The following ZKSCAN8 variants were observed in gnomAD, a reference collection of about 807,000 sequenced individuals.
ZKSCAN8 encodes the protein zinc finger protein with KRAB and SCAN domains 8.
ZKSCAN8 carries 27 observed loss-of-function variants against 57.2 expected under a neutral mutation model. The observed-to-expected ratio is 0.47, with a 90% CI of 0.35 to 0.65. The LOEUF (loss-of-function observed/expected upper bound fraction) is 0.65, where lower values mean the gene tolerates loss of function less well. Ranked by LOEUF, ZKSCAN8 falls within the 30% of genes least tolerant of loss-of-function variation. The pLI is 0.01. For missense variants in ZKSCAN8, 597 were observed against 696.3 expected (o/e 0.86, Z 1.60); for synonymous variants, 214 against 248.7 (o/e 0.86, Z 1.31).
chr6:28,154,067 A>C lies in ZKSCAN8; in HGVS notation c.*50A>C. The C allele has an allele frequency of 2.6e-6, 4 of 1,526,062 alleles. No homozygotes were observed. The highest frequency in any genetic ancestry group is 3.5e-6 in the Non-Finnish European group (4 of 1,144,342). The allele number at this position is 1,526,062 out of a possible 1,614,324, so 94.5% of individuals were successfully genotyped here. ...CATTATTCAGCATTAGGGAAACCAC[A>C]CACTGGTGAGAGGTCTTTCAGTGTA... On this transcript the variant is annotated 3_prime_UTR_variant, in exon 6 of 6. Transcript: ENST00000330236.
chr6:28,143,858 T>C (rs1000596222), intron 1 of ZKSCAN8, among the ~76,000 whole-genome samples: 5 of 152,188 alleles, frequency 3.3e-5, no homozygotes, highest in Non-Finnish European at 7.3e-5. Flanking sequence ...AAGACCATTT[T>C]AAAATAAATT....
At position 28,153,689 on chromosome 6, in the gene ZKSCAN8, C is replaced by T; in HGVS notation, c.1409C>T (p.Thr470Ile). 6.2e-7 allele frequency: 1 copy of T among 1,613,436 alleles called. No individual in the cohort carries two copies. The highest frequency in any genetic ancestry group is 8.5e-7 in the Non-Finnish European group (1 of 1,179,852). The change falls in exon 6 of 6, where the codon ACC becomes ATC. Residue 470 changes from threonine (T) to isoleucine (I), a missense_variant. Physicochemically the swap from Thr to Ile is moderately conservative, Grantham distance 89 (BLOSUM62 -1). Transcript: ENST00000330236. ...KPYECDECGKTFRRSSHLIGH... is the reference protein window; with the variant it reads ...KPYECDECGKIFRRSSHLIGH... ...TATGAGTGTGATGAGTGTGGGAAAACCTTCAGGCGGAGCTCACATCTTATT... is the reference window on the plus strand; with the variant it reads ...TATGAGTGTGATGAGTGTGGGAAAATCTTCAGGCGGAGCTCACATCTTATT...
In ZKSCAN8 at chr6:28,144,637, A is replaced by G. The variant is rs1269251487; in HGVS notation, c.-93+2608A>G. Among the ~76,000 whole-genome samples the G allele has an allele frequency of 6.6e-6, 1 of 152,248 alleles. No homozygotes were observed. The highest frequency in any genetic ancestry group is 1.5e-5 in the Non-Finnish European group (1 of 68,038). On this transcript the variant is annotated intron_variant, in intron 1 of 5. Transcript: ENST00000330236. The surrounding 1 kb of genome is among the most constrained non-coding windows in gnomAD (Gnocchi z 4.5). ...ACATTTGCAATAAGGCCATGGCCAC[A>G]TTCTCACAATGTGATAAGTCCTATA...
rs1472430288 is a variant in ZKSCAN8 at position 28,158,541 on chromosome 6, A to G, written c.*4524A>G. The G allele has an allele frequency of 6.6e-6, 1 of 151,796 alleles. No homozygotes were observed. Among genetic ancestry groups the G allele is most frequent in the Non-Finnish European group, 1.5e-5 (1 of 67,970 alleles). The allele number at this position is 151,796 out of a possible 1,614,324, so 9.4% of individuals were successfully genotyped here. A position where few individuals can be genotyped will look rare whatever the true frequency, so the allele number is the denominator to read the frequency against. ...AAAGTGTCACCACCTTTATATTTTT[A>G]CCCCAGCCTTGGAGTTATCTTTTTC... On this transcript the variant is annotated 3_prime_UTR_variant, in exon 6 of 6. Coordinates refer to ENST00000330236, the MANE Select transcript of ZKSCAN8 (RefSeq NM_006298.4).
rs750605583 is a variant in ZKSCAN8 at position 28,153,665 on chromosome 6, A to G, written c.1385A>G (p.Tyr462Cys). The change falls in exon 6 of 6, where the codon TAT becomes TGT. Residue 462 changes from tyrosine (Y) to cysteine (C), a missense_variant. Physicochemically the swap from Tyr to Cys is radical, Grantham distance 194. Coordinates refer to ENST00000330236, the MANE Select transcript of ZKSCAN8 (RefSeq NM_006298.4). ...HQRIHTGEKP[Y>C]ECDECGKTFR... ...AGAATCCACACTGGGGAGAAGCCCT[A>G]TGAGTGTGATGAGTGTGGGAAAACC... 21 of 1,613,854 alleles carry G rather than the reference A, an allele frequency of 1.3e-5. No homozygotes were observed. Among genetic ancestry groups the G allele is most frequent in the African/African-American group, 2.7e-5 (2 of 74,870 alleles).
rs1765339863 is a variant in ZKSCAN8 at position 28,144,917 on chromosome 6, T to G, written c.-93+2888T>G. 6.6e-6 allele frequency among the ~76,000 whole-genome samples: 1 copy of G among 151,684 alleles called. No individual in the cohort carries two copies. The highest frequency in any genetic ancestry group is 2.1e-4 in the South Asian group (1 of 4,806). ...CTAAAAATACAAAAAATTAGCCGGG[T>G]GTGGTGGAGGGCGCCTGTAGTCCCA... On this transcript the variant is annotated intron_variant, in intron 1 of 5. Coordinates refer to ENST00000330236, the MANE Select transcript of ZKSCAN8 (RefSeq NM_006298.4). The surrounding 1 kb of genome is among the most constrained non-coding windows in gnomAD (Gnocchi z 4.5).
At chr6:28,149,185 A>G (rs770104524) in intron 2 of ZKSCAN8, among the ~76,000 whole-genome samples, 10 of 152,198 alleles carry the variant, frequency 6.6e-5, no homozygotes, top group Non-Finnish European at 1.3e-4. Flanking sequence ...ACTGCATAGC[A>G]CTGCTTTAAG....
At position 28,157,350 on chromosome 6, in the gene ZKSCAN8, T is replaced by A. The variant is rs1235955579; in HGVS notation, c.*3333T>A. ...GAATTGTGGGAGCTACAATTCAAGATGAGATTTGGATGGGACACAGCCAAA... is the reference window on the plus strand; with the variant it reads ...GAATTGTGGGAGCTACAATTCAAGAAGAGATTTGGATGGGACACAGCCAAA... On this transcript the variant is annotated 3_prime_UTR_variant, in exon 6 of 6. Coordinates refer to ENST00000330236, the MANE Select transcript of ZKSCAN8 (RefSeq NM_006298.4). The A allele has an allele frequency of 6.6e-6, 1 of 152,172 alleles. No homozygotes were observed. Among genetic ancestry groups the A allele is most frequent in the Non-Finnish European group, 1.5e-5 (1 of 68,018 alleles). The allele number at this position is 152,172 out of a possible 1,614,324, so 9.4% of individuals were successfully genotyped here. A position where few individuals can be genotyped will look rare whatever the true frequency, so the allele number is the denominator to read the frequency against.
Position 28,148,658 on chromosome 6 carries a change from T to G in ZKSCAN8, c.251T>G (p.Leu84Trp). Reference protein sequence around the residue: ...ALCHQWLRPDLNTKEQILELL... With the variant: ...ALCHQWLRPDWNTKEQILELL... ...TGCCATCAGTGGCTGAGGCCAGATT[T>G]GAACACCAAGGAACAGATCCTGGAG... Residue 84 changes from leucine to tryptophan, a missense_variant, in exon 2 of 6, where the codon TTG becomes TGG. Transcript: ENST00000330236. 1 of 1,614,086 alleles carries G rather than the reference T, an allele frequency of 6.2e-7. No individual in the cohort carries two copies. The highest frequency in any genetic ancestry group is 8.5e-7 in the Non-Finnish European group (1 of 1,180,022).
Position 28,154,057 on chromosome 6 carries a change from G to A in ZKSCAN8, c.*40G>A. 4 of 1,534,210 alleles carry A rather than the reference G, an allele frequency of 2.6e-6. No individual in the cohort carries two copies. The highest frequency in any genetic ancestry group is 2.3e-5 in the East Asian group (1 of 44,436). On this transcript the variant is annotated 3_prime_UTR_variant, in exon 6 of 6. Transcript: ENST00000330236. ...AGAGTTTGAGCATTATTCAGCATTAGGGAAACCACACACTGGTGAGAGGTC... is the reference window on the plus strand; with the variant it reads ...AGAGTTTGAGCATTATTCAGCATTAAGGAAACCACACACTGGTGAGAGGTC...
rs1308315918 is a variant in ZKSCAN8 at position 28,156,206 on chromosome 6, G to C, written c.*2189G>C. Reference sequence around the variant, plus strand: ...ACACACACACCTGCCATACACTTTAGAAGAACGCTTCTCTTCTATTCCAAT... The same window carrying C: ...ACACACACACCTGCCATACACTTTACAAGAACGCTTCTCTTCTATTCCAAT... On this transcript the variant is annotated 3_prime_UTR_variant, in exon 6 of 6. Coordinates refer to ENST00000330236, the MANE Select transcript of ZKSCAN8 (RefSeq NM_006298.4). 5.0e-6 allele frequency: 2 copies of C among 398,226 alleles called. No individual in the cohort carries two copies. The highest frequency in any genetic ancestry group is 4.1e-5 in the African/African-American group (2 of 48,582). 24.7% of individuals were successfully genotyped at this position (398,226 alleles called of 1,614,324 possible). A position where few individuals can be genotyped will look rare whatever the true frequency, so the allele number is the denominator to read the frequency against.
rs1201578422 is a variant in ZKSCAN8, at chr6:28,148,561, C to T, written c.154C>T (p.Leu52=). The T allele has an allele frequency of 1.2e-6, 2 of 1,613,982 alleles. No homozygotes were observed. The highest frequency in any genetic ancestry group is 1.7e-6 in the Non-Finnish European group (2 of 1,180,000). ...SNPLGQEVFR[L]RFRQLRYQET... The stretch of plus-strand genomic sequence containing the variant: ...CCCTCTTGGCCAAGAAGTGTTCCGC[C>T]TGCGCTTCAGGCAGTTACGCTACCA... Residue 52 remains leucine (L), a synonymous_variant, in exon 2 of 6, where the codon CTG becomes TTG. Coordinates refer to ENST00000330236, the MANE Select transcript of ZKSCAN8 (RefSeq NM_006298.4).
chr6:28,156,463 G>T lies in ZKSCAN8; in HGVS notation c.*2446G>T, dbSNP rs1765785744. On this transcript the variant is annotated 3_prime_UTR_variant, in exon 6 of 6. Transcript: ENST00000330236. Reference sequence around the variant, plus strand: ...ACTAGAAAAATTAGTGTTATATTGGGTGTGAGAAAAGACTGTGTCTTGAAA... The same window carrying T: ...ACTAGAAAAATTAGTGTTATATTGGTTGTGAGAAAAGACTGTGTCTTGAAA... 1 of 356,724 alleles carries T rather than the reference G, an allele frequency of 2.8e-6. No individual in the cohort carries two copies. 22.1% of individuals were successfully genotyped at this position (356,724 alleles called of 1,614,324 possible).
At chr6:28,149,457 A>T in intron 2 of ZKSCAN8, 26 bp from the exon 3 acceptor site, 3 of 1,612,404 alleles carry the variant, frequency 1.9e-6, no homozygotes, top group African/African-American at 2.7e-5. Context: ...GGGATTCCTT[A>T]TTATCCAACT....
Position 28,154,091 on chromosome 6 carries a change from T to A in ZKSCAN8, c.*74T>A, listed in dbSNP as rs1343418890. On this transcript the variant is annotated 3_prime_UTR_variant, in exon 6 of 6. Coordinates refer to ENST00000330236, the MANE Select transcript of ZKSCAN8 (RefSeq NM_006298.4). ...CACACTGGTGAGAGGTCTTTCAGTG[T>A]ACTAAAAGGCAGAAAGGTCATCACA... The A allele has an allele frequency of 3.3e-6, 5 of 1,502,382 alleles. No homozygotes were observed. In the East Asian group the frequency reaches 1.1e-4, roughly 34 times the overall value. 93.1% of individuals were successfully genotyped at this position (1,502,382 alleles called of 1,614,324 possible).
At chr6:28,145,561 G>T (rs768634820) in intron 1 of ZKSCAN8, among the ~76,000 whole-genome samples, 1 of 152,112 alleles carries the variant, frequency 6.6e-6, no homozygotes, top group Non-Finnish European at 1.5e-5. Flanking sequence ...CATAAACCTG[G>T]TAGTTTAATA....
At chr6:28,150,937 G>A (rs1180898451) in intron 3 of ZKSCAN8, among the ~76,000 whole-genome samples, 1 of 152,108 alleles carries the variant, frequency 6.6e-6, no homozygotes, top group African/African-American at 2.4e-5. Flanking sequence ...TTCCCCAGTA[G>A]CTGGGATTAC....
In ZKSCAN8 at chr6:28,153,968, G is replaced by T; in HGVS notation, c.1688G>T (p.Arg563Leu). 1 of 1,610,876 alleles carries T rather than the reference G, an allele frequency of 6.2e-7. No homozygotes were observed. The highest frequency in any genetic ancestry group is 8.5e-7 in the Non-Finnish European group (1 of 1,178,854). The change falls in exon 6 of 6, where the codon CGA becomes CTA. Residue 563 changes from arginine to leucine, a missense_variant. By Grantham distance (102) the Arg-to-Leu change is moderately radical. Transcript: ENST00000330236. ...KAFIQRSSLI[R>L]HQRIHSGEKS... Reference sequence around the variant, plus strand: ...TTTATTCAGAGGTCAAGTCTCATTCGACATCAGAGAATCCACAGTGGTGAA... The same window carrying T: ...TTTATTCAGAGGTCAAGTCTCATTCTACATCAGAGAATCCACAGTGGTGAA...
chr6:28,153,805 CAG>C lies in ZKSCAN8; in HGVS notation c.1529_1530del (p.Arg510AsnfsTer9). 1 of 1,613,914 alleles carries C rather than the reference CAG, an allele frequency of 6.2e-7. No individual in the cohort carries two copies. The highest frequency in any genetic ancestry group is 8.5e-7 in the Non-Finnish European group (1 of 1,179,904). On this transcript the variant is annotated frameshift_variant, in exon 6 of 6. Coordinates refer to ENST00000330236, the MANE Select transcript of ZKSCAN8 (RefSeq NM_006298.4). LOFTEE classifies it high-confidence loss of function. The stretch of plus-strand genomic sequence containing the variant: ...TCAGAAGTCAGGCCTTATTGAACAT[CAG>C]AGAATCCACACTGGAGAAAGACCCT... ...FSQKSGLIEH[Q>X]RIHTGERPYK...
Sources: gnomAD v4.1 joint callset for allele counts (sites outside exome capture counted in the v4.1 genomes callset) on GRCh38, gnomAD v4.1.1 for gene constraint, Gnocchi (gnomAD v3.1) non-coding constraint, MANE v1.5 for transcripts, NCBI Gene and HGNC (gene_info 2026-07-23, HGNC 2026-07-21) for gene names.